KCNH5: variants seen among roughly 807,000 people sequenced by gnomAD.
The protein encoded by KCNH5 is potassium voltage-gated channel subfamily H member 5.
KCNH5 carries 46 observed loss-of-function variants against 96.1 expected under a neutral mutation model. The observed-to-expected ratio is 0.48, with a 90% CI of 0.38 to 0.61. The LOEUF (loss-of-function observed/expected upper bound fraction) is 0.61, where lower values mean the gene tolerates loss of function less well. KCNH5 is among the 20% of genes least tolerant of loss of function. The pLI is 0.00. For missense variants in KCNH5, 907 were observed against 1,225.8 expected (o/e 0.74, Z 3.88); for synonymous variants, 439 against 449.8 (o/e 0.98, Z 0.30).
chr14:63,018,102 A>G (rs1891359140), intron 1 of KCNH5, among the ~76,000 whole-genome samples: 1 of 152,030 alleles, frequency 6.6e-6, no homozygotes, highest in Non-Finnish European at 1.5e-5. Context: ...TGAAAAGCAA[A>G]ATCTGTTTGA....
At chr14:63,020,246 A>T (rs936883023) in intron 1 of KCNH5, among the ~76,000 whole-genome samples, 6 of 152,190 alleles carry the variant, frequency 3.9e-5, no homozygotes, top group African/African-American at 1.4e-4. Flanking sequence ...ATCACTTTGG[A>T]AAACAGCTTC....
chr14:62,798,644 T>C (rs1406897363), intron 9 of KCNH5, among the ~76,000 whole-genome samples: 3 of 152,214 alleles, frequency 2.0e-5, no homozygotes, highest in Non-Finnish European at 4.4e-5. Context: ...TGCAATTATA[T>C]TTCATATGCC....
chr14:62,904,251 T>G (rs550052660), intron 7 of KCNH5, among the ~76,000 whole-genome samples: 115 of 152,326 alleles, frequency 7.5e-4, no homozygotes, highest in Non-Finnish European at 1.0e-3. Context: ...TTTCTCTTAG[T>G]CACTGTACCT....
intron 2 of KCNH5, among the ~76,000 whole-genome samples, chr14:63,009,715 A>T (rs1285105298): frequency 1.3e-5 from 2 of 152,200 alleles, no homozygotes; most frequent in African/African-American, 4.8e-5. Flanking sequence ...TGTCCAAGCC[A>T]TACTGATAAA....
intron 8 of KCNH5, among the ~76,000 whole-genome samples, chr14:62,803,105 C>T (rs753893205): frequency 2.0e-5 from 3 of 152,106 alleles, no homozygotes; most frequent in Non-Finnish European, 2.9e-5. Flanking sequence ...GAGCCAAGGT[C>T]GTGCCACTGC....
At chr14:63,030,611 T>C (rs972991005) in intron 1 of KCNH5, among the ~76,000 whole-genome samples, 1 of 152,118 alleles carries the variant, frequency 6.6e-6, no homozygotes, top group Non-Finnish European at 1.5e-5. Flanking sequence ...TTCATCCCCG[T>C]CCCCAAATGC....
intron 10 of KCNH5, among the ~76,000 whole-genome samples, chr14:62,753,118 T>G (rs1885540030): frequency 6.6e-6 from 1 of 152,076 alleles, no homozygotes; most frequent in African/African-American, 2.4e-5. Context: ...ATAGAAAGAA[T>G]TCAGAATTCT....
intron 6 of KCNH5, among the ~76,000 whole-genome samples, chr14:62,957,960 T>G (rs991438): frequency 0.024 from 3,668 of 152,312 alleles, 85 homozygotes; most frequent in African/African-American, 0.069. Flanking sequence ...GCTTTAGAGT[T>G]ATTTGACATG....
intron 10 of KCNH5, among the ~76,000 whole-genome samples, chr14:62,757,707 A>C (rs1360781378): frequency 4.6e-5 from 7 of 152,156 alleles, no homozygotes; most frequent in Non-Finnish European, 1.0e-4. Flanking sequence ...CCAGTCATAG[A>C]AAGACAAGAT....
At chr14:62,862,841 A>G (rs1888064586) in intron 7 of KCNH5, among the ~76,000 whole-genome samples, 1 of 152,208 alleles carries the variant, frequency 6.6e-6, no homozygotes, top group Non-Finnish European at 1.5e-5. Context: ...TGAGCAGAAG[A>G]ACCAATTGCT....
intron 8 of KCNH5, among the ~76,000 whole-genome samples, chr14:62,824,929 G>A (rs1362008412): frequency 6.6e-6 from 1 of 151,910 alleles, no homozygotes; most frequent in African/African-American, 2.4e-5. Context: ...TTACTGCAAA[G>A]GACACGATTT....
chr14:62,947,505 C>T (rs1889911795), intron 7 of KCNH5, among the ~76,000 whole-genome samples: 1 of 152,134 alleles, frequency 6.6e-6, no homozygotes, highest in Non-Finnish European at 1.5e-5. Flanking sequence ...TATACCTGTA[C>T]AAGGGTTCAT....
chr14:62,878,201 T>TG (rs66735494), intron 7 of KCNH5, among the ~76,000 whole-genome samples: 1,519 of 89,428 alleles, frequency 0.017, 45 homozygotes, highest in African/African-American at 0.049. Context: ...GTTGTGGGGA[T>TG]GGGGGGGGGG....
chr14:62,773,845 A>G (rs1445949538), intron 10 of KCNH5, among the ~76,000 whole-genome samples: 3 of 152,240 alleles, frequency 2.0e-5, no homozygotes, highest in African/African-American at 7.2e-5. Flanking sequence ...TAAATGGTTC[A>G]TTCTCTTTTA....
intron 10 of KCNH5, among the ~76,000 whole-genome samples, chr14:62,743,811 A>T (rs1421165799): frequency 6.6e-6 from 1 of 152,122 alleles, no homozygotes; most frequent in South Asian, 2.1e-4. Context: ...TTCTCTAGGG[A>T]CTGTGGAAGT....
intron 8 of KCNH5, among the ~76,000 whole-genome samples, chr14:62,812,900 C>T (rs1229706330): frequency 2.0e-5 from 3 of 152,036 alleles, no homozygotes; most frequent in Admixed American, 6.6e-5. Flanking sequence ...CTATGAAATA[C>T]ATATTTTAAA....
chr14:63,024,228 A>ATATATATATATATATATATATATATATG (rs1891484418), intron 1 of KCNH5, among the ~76,000 whole-genome samples: 1 of 151,354 alleles, frequency 6.6e-6, no homozygotes, highest in Admixed American at 6.6e-5. Context: ...ATATATATAT[A>ATATATATATATATATATATATATATATG]TCTTGAGACA....
chr14:62,808,030 T>C (rs1343957763), intron 8 of KCNH5, among the ~76,000 whole-genome samples: 2 of 152,126 alleles, frequency 1.3e-5, no homozygotes, highest in Non-Finnish European at 2.9e-5. Context: ...GCCTGGTATA[T>C]CTTAGGCTAG....
chr14:62,861,676 G>T (rs780783548), intron 7 of KCNH5, among the ~76,000 whole-genome samples: 1 of 107,236 alleles, frequency 9.3e-6, no homozygotes, highest in Admixed American at 8.4e-5. Flanking sequence ...ACACACACAC[G>T]GTATAATTAT....
Sources: gnomAD v4.1 joint callset for allele counts (sites outside exome capture counted in the v4.1 genomes callset) on GRCh38, gnomAD v4.1.1 for gene constraint, MANE v1.5 for transcripts, NCBI Gene and HGNC (gene_info 2026-07-23, HGNC 2026-07-21) for gene names.